Variants in CNIH3 observed in about 807,000 individuals in gnomAD.
CNIH3 encodes cornichon family AMPA receptor auxiliary protein 3, also known as protein cornichon homolog 3.
A neutral mutation model predicts 24.1 loss-of-function variants in CNIH3; 14 were observed. That is an observed-to-expected ratio of 0.58 (90% CI 0.38 to 0.91). The LOEUF is 0.91. CNIH3 is among the 40% of genes least tolerant of loss of function. CNIH3 has a pLI of 0.00. For synonymous variants in CNIH3, 68 were observed against 73.8 expected, an observed-to-expected ratio of 0.92 and a Z score of 0.40; for missense variants, 178 against 196.8, an observed-to-expected ratio of 0.90 and a Z score of 0.57.
intron 3 of CNIH3, among the ~76,000 whole-genome samples, chr1:224,599,159 C>T (rs1682107407): frequency 6.6e-6 from 1 of 152,082 alleles, no homozygotes; most frequent in Admixed American, 6.5e-5. Context: ...AAACCGCCAC[C>T]CTTTATTTGC....
chr1:224,517,867 T>G (rs1254367825), intron 1 of CNIH3, among the ~76,000 whole-genome samples: 1 of 152,218 alleles, frequency 6.6e-6, no homozygotes, highest in Non-Finnish European at 1.5e-5. Context: ...AGGATGTTAT[T>G]ACTGCCAACC....
chr1:224,567,187 T>A (rs1352412595), intron 4 of CNIH3, among the ~76,000 whole-genome samples: 1 of 152,276 alleles, frequency 6.6e-6, no homozygotes, highest in African/African-American at 2.4e-5. Flanking sequence ...TGCCTGTTTA[T>A]ATCCTTTACC....
chr1:224,625,396 TA>T (rs947358845), intron 1 of CNIH3, among the ~76,000 whole-genome samples: 98 of 148,760 alleles, frequency 6.6e-4, no homozygotes, highest in South Asian at 2.1e-3. Flanking sequence ...AAAAATAAAA[TA>T]AAAAAAAAAT....
intron 1 of CNIH3, among the ~76,000 whole-genome samples, chr1:224,628,650 C>T (rs1246586891): frequency 6.6e-6 from 1 of 151,950 alleles, no homozygotes; most frequent in Non-Finnish European, 1.5e-5. Context: ...GTCTGTAAAC[C>T]AAAAATAAAA....
At chr1:224,622,907 C>G (rs897492243) in intron 1 of CNIH3, among the ~76,000 whole-genome samples, 4 of 152,228 alleles carry the variant, frequency 2.6e-5, no homozygotes, top group African/African-American at 7.2e-5. Context: ...AGTCTGCAAA[C>G]AGGTTCCTCT....
chr1:224,519,650 G>A (rs773756193), intron 1 of CNIH3, among the ~76,000 whole-genome samples: 1 of 149,424 alleles, frequency 6.7e-6, no homozygotes, highest in South Asian at 2.1e-4. Flanking sequence ...TTTTGTGTGT[G>A]TACTCTTCAT....
At position 224,704,599 on chromosome 1, in the gene CNIH3, T is replaced by C. The variant is rs890020411; in HGVS notation, c.198+19756T>C. 6.6e-6 allele frequency among the ~76,000 whole-genome samples: 1 copy of C among 152,204 alleles called. No individual in the cohort carries two copies. The highest frequency in any genetic ancestry group is 2.4e-5 in the African/African-American group (1 of 41,440). On this transcript the variant is annotated intron_variant, in intron 3 of 5. Transcript: ENST00000272133. This position sits in a 1 kb window ranked among gnomAD's most constrained non-coding sequence, Gnocchi z 4.2. ...TCAGCTCTTCCCCATCCCCCGTGTA[T>C]GTACAGCACATACTTTTTTTTTGCT... is the stretch of plus-strand genomic sequence containing the variant.
chr1:224,520,120 T>C (rs1382862204), intron 1 of CNIH3, among the ~76,000 whole-genome samples: 1 of 152,186 alleles, frequency 6.6e-6, no homozygotes, highest in South Asian at 2.1e-4. Flanking sequence ...TTTACTATTA[T>C]TATTTTGTTC....
Position 224,563,597 on chromosome 1 carries a change from T to TTCTTCTTAAGA in CNIH3, n.451-2602_451-2601insTCTTCTTAAGA, listed in dbSNP as rs1680465452. On this transcript the variant is annotated intron_variant and non_coding_transcript_variant, in intron 3 of 5. Coordinates refer to the CNIH3 transcript ENST00000471578. Reference sequence around the variant, plus strand: ...AGAAAGATTCTGAAGAACTTTAGAGTACTTAAGATTGGCATCCATTAGCCT... The same window carrying TTCTTCTTAAGA: ...AGAAAGATTCTGAAGAACTTTAGAGTTCTTCTTAAGAACTTAAGATTGGCATCCATTAGCCT... 2.0e-5 allele frequency among the ~76,000 whole-genome samples: 3 copies of TTCTTCTTAAGA among 151,876 alleles called. No homozygotes were observed. The South Asian group carries it at 6.3e-4, about 32-fold the overall frequency.
At chr1:224,650,112 A>G (rs1215978445) in intron 1 of CNIH3, among the ~76,000 whole-genome samples, 3 of 152,192 alleles carry the variant, frequency 2.0e-5, no homozygotes, top group Non-Finnish European at 4.4e-5. Context: ...GAAGTTCTGC[A>G]TTATACACAA....
chr1:224,487,906 T>C (rs1013072715), intron 1 of CNIH3, among the ~76,000 whole-genome samples: 2 of 152,210 alleles, frequency 1.3e-5, no homozygotes, highest in African/African-American at 2.4e-5. Flanking sequence ...TTTCCTTCTT[T>C]ATTGTTTCTT....
In CNIH3 at chr1:224,739,669, G is replaced by C. The variant is rs1253606901; in HGVS notation, c.*313G>C. 6.6e-6 allele frequency: 3 copies of C among 456,070 alleles called. No individual in the cohort carries two copies. The highest frequency in any genetic ancestry group is 3.6e-5 in the South Asian group (1 of 27,446). 28.3% of individuals were successfully genotyped at this position (456,070 alleles called of 1,614,324 possible). On this transcript the variant is annotated 3_prime_UTR_variant, in exon 6 of 6. Coordinates refer to ENST00000272133, the MANE Select transcript of CNIH3 (RefSeq NM_152495.2). ...AGACCTCTCCTGAGAGAGAATTGCT[G>C]CTTCCTGAATCCACTTCATTGAACA...
intron 5 of CNIH3, among the ~76,000 whole-genome samples, chr1:224,737,022 A>G (rs1376559156): frequency 6.6e-6 from 1 of 152,110 alleles, no homozygotes; most frequent in East Asian, 1.9e-4. Flanking sequence ...CTCTCCTCTA[A>G]GCCAACAGAA....
intron 3 of CNIH3, among the ~76,000 whole-genome samples, chr1:224,605,842 T>C (rs891664603): frequency 2.1e-4 from 32 of 152,244 alleles, no homozygotes; most frequent in African/African-American, 7.0e-4. Context: ...AAACCCCTAA[T>C]CTCCAAGCCT....
chr1:224,670,982 A>G (rs558306943), intron 1 of CNIH3, among the ~76,000 whole-genome samples: 17 of 152,300 alleles, frequency 1.1e-4, no homozygotes, highest in African/African-American at 1.7e-4. Context: ...GCCTCATCCA[A>G]TCAGCTGAAG....
At chr1:224,445,891 TTA>T (rs1168708130) in intron 1 of CNIH3, among the ~76,000 whole-genome samples, 2 of 152,350 alleles carry the variant, frequency 1.3e-5, no homozygotes, top group East Asian at 3.9e-4. Flanking sequence ...CCTTTCATGT[TTA>T]TGTCTACAAC....
At chr1:224,665,685 C>G (rs930212605) in intron 1 of CNIH3, among the ~76,000 whole-genome samples, 1 of 152,180 alleles carries the variant, frequency 6.6e-6, no homozygotes, top group Non-Finnish European at 1.5e-5. Context: ...CTTATGAGAT[C>G]AAAGCTGTGC....
chr1:224,461,641 T>C (rs1675916891), intron 1 of CNIH3, among the ~76,000 whole-genome samples: 1 of 152,252 alleles, frequency 6.6e-6, no homozygotes, highest in Non-Finnish European at 1.5e-5. Flanking sequence ...AACATCTTTA[T>C]TAAGATTTTA....
chr1:224,644,446 A>G (rs908537595), intron 1 of CNIH3, among the ~76,000 whole-genome samples: 2 of 152,122 alleles, frequency 1.3e-5, no homozygotes, highest in African/African-American at 4.8e-5. Context: ...GAGCTAGACT[A>G]CAGGATATCG....
Sources: gnomAD v4.1 joint callset for allele counts (sites outside exome capture counted in the v4.1 genomes callset) on GRCh38, gnomAD v4.1.1 for gene constraint, Gnocchi (gnomAD v3.1) non-coding constraint, MANE v1.5 for transcripts, NCBI Gene and HGNC (gene_info 2026-07-23, HGNC 2026-07-21) for gene names.